Variants in CCDC144A observed in about 807,000 individuals in gnomAD.
CCDC144A encodes the protein coiled-coil domain-containing protein 144A.
In CCDC144A, 41 loss-of-function variants were observed where a neutral mutation model predicts 143.8. The observed-to-expected ratio is 0.29, with a 90% confidence interval of 0.22 to 0.37. The LOEUF (loss-of-function observed/expected upper bound fraction) is 0.37. Ranked by LOEUF, CCDC144A falls within the 10% of genes least tolerant of loss-of-function variation. The probability of loss-of-function intolerance (pLI) is 1.00; values close to 1 mark genes in which losing one functional copy is unlikely to be tolerated. For missense variants in CCDC144A, 637 were observed against 1,488.8 expected, an observed-to-expected ratio of 0.43 and a Z score of 9.41; for synonymous variants, 242 against 517.9, an observed-to-expected ratio of 0.47 and a Z score of 7.23.
chr17:16,673,387 AT>A, the CCDC144A span, among the ~76,000 whole-genome samples: 514 of 138,484 alleles, frequency 3.7e-3, 1 homozygote, highest in South Asian at 5.4e-3. Context: ...AGTTATCTTC[AT>A]TTTTTTTTTT....
intron 8 of CCDC144A, among the ~76,000 whole-genome samples, chr17:16,725,002 ATTTTTTTTTTTTTTTTT>A (rs1167527388): frequency 8.0e-5 from 3 of 37,282 alleles, no homozygotes; most frequent in East Asian, 1.2e-3. Flanking sequence ...ATAGCTGGTA[ATTTTTTTTTTTTTTTTT>A]TTTTTTTTTT....
At chr17:16,677,088 C>T in the CCDC144A span, among the ~76,000 whole-genome samples, 1 of 151,972 alleles carries the variant, frequency 6.6e-6, no homozygotes, top group East Asian at 1.9e-4. Context: ...AGAAAATTAC[C>T]TTCCTTGCCC....
chr17:16,772,931 T>C (rs1915879800), intron 16 of CCDC144A, among the ~76,000 whole-genome samples: 1 of 152,250 alleles, frequency 6.6e-6, no homozygotes, highest in African/African-American at 2.4e-5. Context: ...CATAGTCTAG[T>C]ACCTTAGCAT....
the CCDC144A span, among the ~76,000 whole-genome samples, chr17:16,676,408 G>A: frequency 1.3e-5 from 2 of 151,634 alleles, no homozygotes; most frequent in Non-Finnish European, 2.9e-5. Flanking sequence ...CTACTCGGGA[G>A]GCTGAGGCAG....
chr17:16,745,856 C>G, intron 12 of CCDC144A: 1 of 1,596,484 alleles, frequency 6.3e-7, no homozygotes, highest in Non-Finnish European at 8.5e-7. Flanking sequence ...CCCCGCTGTC[C>G]TGGCTCCCCT....
At chr17:16,723,849 A>G (rs531587093) in intron 8 of CCDC144A, among the ~76,000 whole-genome samples, 19 of 152,280 alleles carry the variant, frequency 1.2e-4, no homozygotes, top group South Asian at 6.2e-4. Context: ...CCAGATGCTT[A>G]TTGTATCATT....
the CCDC144A span, chr17:16,666,942 G>T: frequency 6.6e-6 from 1 of 152,490 alleles, no homozygotes; most frequent in African/African-American, 2.4e-5. Flanking sequence ...GGGTGATGGC[G>T]CCGGGAGGCC....
intron 15 of CCDC144A, among the ~76,000 whole-genome samples, chr17:16,768,133 G>A (rs1205075085): frequency 6.6e-6 from 1 of 152,250 alleles, no homozygotes; most frequent in Admixed American, 6.5e-5. Flanking sequence ...AAGTCCTGCA[G>A]ACCTTCCTCT....
At position 16,720,184 on chromosome 17, in the gene CCDC144A, T is replaced by C; in HGVS notation, c.1716-14T>C. ...TTTGCTATTTTTCTAAAAGGAATTGTTTTTTTTTTTCAGGCCTGCAGATAA... is the reference window on the plus strand; with the variant it reads ...TTTGCTATTTTTCTAAAAGGAATTGCTTTTTTTTTTCAGGCCTGCAGATAA... On this transcript the variant is annotated splice_polypyrimidine_tract_variant and intron_variant, in intron 6 of 16. Coordinates refer to ENST00000399273, the MANE Select transcript of CCDC144A (RefSeq NM_001382000.1). 2 of 1,131,444 alleles carry C rather than the reference T, an allele frequency of 1.8e-6. No homozygotes were observed. Among genetic ancestry groups the C allele is most frequent in the Non-Finnish European group, 2.4e-6 (2 of 848,114 alleles). The allele number at this position is 1,131,444 out of a possible 1,614,324, so 70.1% of individuals were successfully genotyped here.
At chr17:16,739,666 C>T (rs1482711191) in intron 12 of CCDC144A, among the ~76,000 whole-genome samples, 1 of 151,542 alleles carries the variant, frequency 6.6e-6, no homozygotes, top group Admixed American at 6.6e-5. Flanking sequence ...AAAATCTATT[C>T]ATTTCTCATT....
chr17:16,740,596 C>T (rs1226595435), intron 12 of CCDC144A, among the ~76,000 whole-genome samples: 1 of 152,100 alleles, frequency 6.6e-6, no homozygotes, highest in Non-Finnish European at 1.5e-5. Flanking sequence ...TACAAATGAG[C>T]TTGAAGTAAG....
chr17:16,734,125 G>A (rs1233372349), intron 11 of CCDC144A, among the ~76,000 whole-genome samples: 1 of 143,804 alleles, frequency 7.0e-6, no homozygotes, highest in Admixed American at 7.0e-5. Flanking sequence ...GAGTGATGGA[G>A]TGGAGACCCT....
intron 15 of CCDC144A, 105 bp downstream of exon 15, chr17:16,764,280 A>G (rs1466206278): frequency 1.1e-5 from 17 of 1,530,058 alleles, no homozygotes; most frequent in African/African-American, 7.0e-5. Context: ...AGTAAAAGTA[A>G]TAATTACCTG....
At chr17:16,773,351 G>A in intron 16 of CCDC144A, 146 bp from the exon 17 acceptor site, 3 of 1,062,730 alleles carry the variant, frequency 2.8e-6, no homozygotes, top group Non-Finnish European at 3.8e-6. Context: ...TTGGGGCTGA[G>A]GCAGGAGAAT....
the CCDC144A span, among the ~76,000 whole-genome samples, chr17:16,671,308 G>A: frequency 2.0e-5 from 3 of 151,984 alleles, no homozygotes; most frequent in South Asian, 6.3e-4. Context: ...GATTATTAAA[G>A]GGTTACATTA....
intron 2 of CCDC144A, among the ~76,000 whole-genome samples, chr17:16,700,982 G>T (rs1911699997): frequency 2.0e-5 from 3 of 150,928 alleles, no homozygotes; most frequent in African/African-American, 7.2e-5. Flanking sequence ...AATAAGATCA[G>T]ATATTCAATC....
In CCDC144A at chr17:16,697,779, C is replaced by T. The variant is rs555767097; in HGVS notation, c.415+4730C>T. Among the ~76,000 whole-genome samples, 582 of 152,120 alleles carry T rather than the reference C, an allele frequency of 3.8e-3. 6 individuals carry two copies. Among genetic ancestry groups the T allele is most frequent in the African/African-American group, 0.013 (554 of 41,448 alleles). On this transcript the variant is annotated intron_variant, in intron 2 of 16. Coordinates refer to ENST00000399273, the MANE Select transcript of CCDC144A (RefSeq NM_001382000.1). ...AAATATAAACATAAAATAAACGTGTCATAGTGGAAATATAAAGCAGATGGA... is the reference window on the plus strand; with the variant it reads ...AAATATAAACATAAAATAAACGTGTTATAGTGGAAATATAAAGCAGATGGA...
intron 8 of CCDC144A, 110 bp downstream of exon 8, chr17:16,720,768 A>G (rs1481114908): frequency 4.6e-6 from 7 of 1,535,252 alleles, no homozygotes; most frequent in South Asian, 1.3e-5. Flanking sequence ...AAATACGCTC[A>G]GTGTTAAAAT....
intron 8 of CCDC144A, among the ~76,000 whole-genome samples, chr17:16,723,307 C>T (rs1386100154): frequency 6.6e-6 from 1 of 152,010 alleles, no homozygotes; most frequent in Non-Finnish European, 1.5e-5. Context: ...TATTTCTATT[C>T]TTTTAGTATC....
Sources: gnomAD v4.1 joint callset for allele counts (sites outside exome capture counted in the v4.1 genomes callset) on GRCh38, gnomAD v4.1.1 for gene constraint, MANE v1.5 for transcripts, NCBI Gene and HGNC (gene_info 2026-07-23, HGNC 2026-07-21) for gene names.